ARMH1: variants seen among roughly 807,000 people sequenced by gnomAD.
ARMH1 encodes armadillo like helical domain containing 1, also known as armadillo-like helical domain containing protein 1.
Under a neutral mutation model 50.2 loss-of-function variants are expected in ARMH1, and 34 were observed. That is an observed-to-expected ratio of 0.68 (90% CI 0.51 to 0.90). The LOEUF is 0.90. ARMH1 is among the 40% of genes least tolerant of loss of function. The pLI is 0.00. For missense variants in ARMH1, 538 were observed against 553.9 expected (o/e 0.97, Z 0.29); for synonymous variants, 221 against 224.2 (o/e 0.99, Z 0.13).
At chr1:44,704,017 C>A in intron 5 of ARMH1, 72 bp from the exon 6 acceptor site, 1 of 1,308,238 alleles carries the variant, frequency 7.6e-7, no homozygotes, top group South Asian at 1.3e-5. Flanking sequence ...TGAGCCACCG[C>A]ACCCGGCCGG....
Position 44,724,730 on chromosome 1 carries a change from C to T in ARMH1, c.1051-32C>T. Reference sequence around the variant, plus strand: ...GCGGCACCCGCAGCCCCGTCGCCCCCGCAGTCACGCCGCCTCGCCCGCGCG... The same window carrying T: ...GCGGCACCCGCAGCCCCGTCGCCCCTGCAGTCACGCCGCCTCGCCCGCGCG... On this transcript the variant is annotated intron_variant, in intron 9 of 11. Transcript: ENST00000535358. The surrounding 1 kb of genome is among the most constrained non-coding windows in gnomAD (Gnocchi z 6.4). 1 of 1,511,834 alleles carries T rather than the reference C, an allele frequency of 6.6e-7. No individual in the cohort carries two copies. The highest frequency in any genetic ancestry group is 1.2e-5 in the South Asian group (1 of 80,298). 93.7% of individuals were successfully genotyped at this position (1,511,834 alleles called of 1,614,324 possible).
chr1:44,721,851 A>AT (rs1460562504), intron 6 of ARMH1: 4 of 152,182 alleles, frequency 2.6e-5, no homozygotes, highest in Admixed American at 2.0e-4. Flanking sequence ...CTCCACGGAA[A>AT]TCTTTAGTAA....
chr1:44,675,434 G>A (rs533972052), intron 1 of ARMH1, among the ~76,000 whole-genome samples: 1 of 152,296 alleles, frequency 6.6e-6, no homozygotes, highest in Non-Finnish European at 1.5e-5. Context: ...GCCAAGACGG[G>A]AGAATGGCTT....
intron 1 of ARMH1, among the ~76,000 whole-genome samples, chr1:44,675,642 A>G (rs1573252638): frequency 6.6e-6 from 1 of 152,126 alleles, no homozygotes. Context: ...AGCCTGGGTG[A>G]CAGAGTGAGA....
intron 6 of ARMH1, among the ~76,000 whole-genome samples, chr1:44,710,624 A>G (rs978496247): frequency 7.9e-5 from 12 of 151,894 alleles, no homozygotes; most frequent in Admixed American, 3.9e-4. Flanking sequence ...AAAAAAAAAA[A>G]AAAAAGAAAA....
intron 6 of ARMH1, among the ~76,000 whole-genome samples, chr1:44,711,650 T>G (rs971857385): frequency 1.3e-5 from 2 of 152,234 alleles, no homozygotes; most frequent in African/African-American, 4.8e-5. Context: ...TTCAATGATT[T>G]AAGTTTCTCA....
At chr1:44,697,423 CAGAAAAA>C (rs1645864629) in intron 3 of ARMH1, among the ~76,000 whole-genome samples, 1 of 152,134 alleles carries the variant, frequency 6.6e-6, no homozygotes, top group Non-Finnish European at 1.5e-5. Flanking sequence ...ATATTGGACT[CAGAAAAA>C]GGAAAATTAG....
At chr1:44,700,615 CAAAA>C (rs71587059) in intron 4 of ARMH1, among the ~76,000 whole-genome samples, 4 of 62,396 alleles carry the variant, frequency 6.4e-5, no homozygotes, top group Non-Finnish European at 1.1e-4. Context: ...GACTCCATCT[CAAAA>C]AAAAAAAAAA....
chr1:44,714,812 A>T (rs1419630502), intron 6 of ARMH1, among the ~76,000 whole-genome samples: 2 of 149,662 alleles, frequency 1.3e-5, no homozygotes, highest in Admixed American at 6.7e-5. Context: ...TGCCTGGCTA[A>T]TTTTTTTTTT....
intron 6 of ARMH1, among the ~76,000 whole-genome samples, chr1:44,705,832 C>T (rs1179482487): frequency 6.6e-6 from 1 of 152,042 alleles, no homozygotes; most frequent in Non-Finnish European, 1.5e-5. Flanking sequence ...GAAGGGTTCA[C>T]CGAGACGGTG....
At chr1:44,715,585 A>G (rs1056969076) in intron 6 of ARMH1, among the ~76,000 whole-genome samples, 1 of 151,846 alleles carries the variant, frequency 6.6e-6, no homozygotes, top group African/African-American at 2.4e-5. Flanking sequence ...TTTGAGATGG[A>G]GTCTCACTCT....
intron 6 of ARMH1, among the ~76,000 whole-genome samples, chr1:44,719,983 A>G (rs940199607): frequency 6.6e-6 from 1 of 151,954 alleles, no homozygotes; most frequent in Admixed American, 6.6e-5. Context: ...TCACCTGAGG[A>G]CAGGAGTTAG....
chr1:44,718,664 T>G (rs1646949367), intron 6 of ARMH1, among the ~76,000 whole-genome samples: 2 of 152,176 alleles, frequency 1.3e-5, no homozygotes, highest in Admixed American at 1.3e-4. Context: ...CAGATGGGAT[T>G]GCGAGGGCTA....
intron 5 of ARMH1, among the ~76,000 whole-genome samples, chr1:44,703,425 A>G (rs569458051): frequency 5.3e-5 from 8 of 152,174 alleles, no homozygotes; most frequent in Admixed American, 3.3e-4. Flanking sequence ...GACAAGATCT[A>G]AAGACTAACC....
chr1:44,697,154 T>C lies in ARMH1; in HGVS notation c.259T>C (p.Leu87=). The C allele has an allele frequency of 6.4e-7, 1 of 1,552,032 alleles. No individual in the cohort carries two copies. The highest frequency in any genetic ancestry group is 8.7e-7 in the Non-Finnish European group (1 of 1,146,846). Residue 87 remains leucine (L), a synonymous_variant, in exon 3 of 12, where the codon TTA becomes CTA. Transcript: ENST00000535358. The stretch of plus-strand genomic sequence containing the variant: ...GCTTCTCAGGTCCATTGGCATCTTC[T>C]TATCAGCTGTAAGCAGGTGAGTTCT... ...EKLLRSIGIF[L]SAVSSNRYLI...
At chr1:44,695,724 GAATTTAC>G (rs993315564) in intron 2 of ARMH1, among the ~76,000 whole-genome samples, 16 of 152,118 alleles carry the variant, frequency 1.1e-4, no homozygotes, top group Middle Eastern at 3.2e-3. Flanking sequence ...AGGACTGCTT[GAATTTAC>G]AAGTCCGAAA....
intron 6 of ARMH1, among the ~76,000 whole-genome samples, chr1:44,715,628 C>T (rs1206479955): frequency 6.6e-6 from 1 of 152,194 alleles, no homozygotes; most frequent in African/African-American, 2.4e-5. Context: ...GGCACAATCT[C>T]AGCTCAATGC....
intron 5 of ARMH1, among the ~76,000 whole-genome samples, chr1:44,703,731 CT>C (rs1225576839): frequency 7.3e-6 from 1 of 137,762 alleles, no homozygotes; most frequent in Non-Finnish European, 1.6e-5. Context: ...ACATCTTTTT[CT>C]TTTTTCTTTT....
chr1:44,724,078 G>A lies in ARMH1; in HGVS notation c.725-44G>A, dbSNP rs767147931. 7.3e-5 allele frequency: 112 copies of A among 1,531,026 alleles called. No homozygotes were observed. Among genetic ancestry groups the A allele is most frequent in the Non-Finnish European group, 9.6e-5 (109 of 1,136,952 alleles). 94.8% of individuals were successfully genotyped at this position (1,531,026 alleles called of 1,614,324 possible). On this transcript the variant is annotated intron_variant, in intron 6 of 11. Transcript: ENST00000535358. This position sits in a 1 kb window ranked among gnomAD's most constrained non-coding sequence, Gnocchi z 6.4. ...CGGGGTTCTTTGCTTCCTCGGTGGC[G>A]GAGGGGCCTGGGGCCTCTCTCCAGC... is the stretch of plus-strand genomic sequence containing the variant.
Sources: gnomAD v4.1 joint callset for allele counts (sites outside exome capture counted in the v4.1 genomes callset) on GRCh38, gnomAD v4.1.1 for gene constraint, Gnocchi (gnomAD v3.1) non-coding constraint, MANE v1.5 for transcripts, NCBI Gene and HGNC (gene_info 2026-07-23, HGNC 2026-07-21) for gene names.